Variants in FRMD4A observed in about 807,000 individuals in gnomAD.
FRMD4A encodes the protein FERM domain-containing protein 4A.
In FRMD4A, 29 loss-of-function variants were observed where a neutral mutation model predicts 129.1. That is an observed-to-expected ratio of 0.22 (90% CI 0.17 to 0.31). FRMD4A has a LOEUF of 0.31. Ranked by LOEUF, FRMD4A falls within the 10% of genes least tolerant of loss-of-function variation. FRMD4A has a pLI of 1.00. For synonymous variants in FRMD4A, 634 were observed against 571.6 expected (o/e 1.11, Z -1.56); for missense variants, 1,272 against 1,375.8 (o/e 0.92, Z 1.19).
intron 2 of FRMD4A, among the ~76,000 whole-genome samples, chr10:14,265,466 C>T (rs769832635): frequency 3.3e-5 from 5 of 152,138 alleles, no homozygotes; most frequent in Non-Finnish European, 7.4e-5. Flanking sequence ...TAAATATATG[C>T]TATTACTTCT....
chr10:13,683,870 T>C (rs1248855902), intron 15 of FRMD4A, among the ~76,000 whole-genome samples: 1 of 152,000 alleles, frequency 6.6e-6, no homozygotes, highest in Non-Finnish European at 1.5e-5. Flanking sequence ...CCACCATGCC[T>C]GACTAATTTT....
chr10:13,908,850 G>A (rs1240808126), intron 2 of FRMD4A, among the ~76,000 whole-genome samples: 1 of 152,170 alleles, frequency 6.6e-6, no homozygotes, highest in African/African-American at 2.4e-5. Context: ...TGTAGTATAA[G>A]TATACCCCCA....
chr10:13,973,055 TCAGA>T (rs2095526737), intron 2 of FRMD4A, among the ~76,000 whole-genome samples: 1 of 152,244 alleles, frequency 6.6e-6, no homozygotes, highest in Admixed American at 6.5e-5. Flanking sequence ...CTGTGTGGCC[TCAGA>T]CAAATTAATT....
At chr10:14,277,729 C>T (rs1166468273) in intron 2 of FRMD4A, among the ~76,000 whole-genome samples, 1 of 152,234 alleles carries the variant, frequency 6.6e-6, no homozygotes, top group Non-Finnish European at 1.5e-5. Flanking sequence ...CTTACAGCCT[C>T]TCCACTCCTC....
intron 2 of FRMD4A, among the ~76,000 whole-genome samples, chr10:14,273,097 C>A (rs955171541): frequency 6.6e-6 from 1 of 151,694 alleles, no homozygotes; most frequent in Non-Finnish European, 1.5e-5. Flanking sequence ...CACATGCACA[C>A]ACACACACAT....
intron 2 of FRMD4A, among the ~76,000 whole-genome samples, chr10:14,233,561 G>A (rs1002261139): frequency 1.3e-5 from 2 of 152,332 alleles, no homozygotes; most frequent in Admixed American, 1.3e-4. Context: ...GGGACAGAGT[G>A]AGACTCCATC....
intron 19 of FRMD4A, 147 bp downstream of exon 19, chr10:13,663,304 AAT>A (rs894868972): frequency 2.5e-5 from 13 of 515,718 alleles, no homozygotes; most frequent in Middle Eastern, 3.1e-4. Context: ...CAAAGAGGTG[AAT>A]ACTGGGAAAT....
At chr10:14,179,423 C>G (rs1447103813) in intron 2 of FRMD4A, among the ~76,000 whole-genome samples, 1 of 152,136 alleles carries the variant, frequency 6.6e-6, no homozygotes, top group Non-Finnish European at 1.5e-5. Flanking sequence ...TGGATCAGTT[C>G]CAGATATCTT....
intron 2 of FRMD4A, among the ~76,000 whole-genome samples, chr10:14,187,117 TC>T: frequency 8.8e-6 from 1 of 113,292 alleles, no homozygotes; most frequent in African/African-American, 3.5e-5. Flanking sequence ...AGGCTCTGTC[TC>T]AAAGGAAAGA....
chr10:14,166,151 A>G (rs1564356019), intron 2 of FRMD4A, among the ~76,000 whole-genome samples: 1 of 150,732 alleles, frequency 6.6e-6, no homozygotes, highest in Non-Finnish European at 1.5e-5. Flanking sequence ...CTGTATAATC[A>G]ATGCCAATGT....
chr10:13,660,484 G>A lies in FRMD4A; in HGVS notation c.1730C>T (p.Pro577Leu), dbSNP rs772806302. ...GGGAGGAGGAGGCCTGTTGTGCGAC[G>A]GTGGCCGAGGAGGGAGTCCCTTGTG... is the stretch of plus-strand genomic sequence containing the variant. ...SPHKGLPPRP[P>L]SHNRPPPPQS... The change falls in exon 20 of 25, where the codon CCG becomes CTG. Residue 577 changes from proline to leucine, a missense_variant. Physicochemically the swap from Pro to Leu is moderately conservative, Grantham distance 98 (BLOSUM62 -3). This residue lies in a region of FRMD4A where 972 missense variants were observed against 892.3 expected (regional missense o/e 1.09). Transcript: ENST00000357447. The A allele has an allele frequency of 1.5e-5, 25 of 1,613,944 alleles. No homozygotes were observed. The highest frequency in any genetic ancestry group is 2.2e-5 in the East Asian group (1 of 44,888).
chr10:14,006,273 C>G (rs1388798830), intron 2 of FRMD4A, among the ~76,000 whole-genome samples: 7 of 152,116 alleles, frequency 4.6e-5, no homozygotes, highest in Admixed American at 4.6e-4. Context: ...CGGGAGGGCC[C>G]CAAACCATTC....
chr10:14,110,125 T>TTAAAAAAAAAAA (rs372420987), intron 2 of FRMD4A, among the ~76,000 whole-genome samples: 2,559 of 89,346 alleles, frequency 0.029, 637 homozygotes, highest in African/African-American at 0.046. Context: ...CGAGATGCTG[T>TTAAAAAAAAAAA]AAAAAAAAAA....
intron 5 of FRMD4A, among the ~76,000 whole-genome samples, chr10:13,790,282 G>A (rs181193989): frequency 6.6e-6 from 1 of 152,280 alleles, no homozygotes; most frequent in East Asian, 1.9e-4. Flanking sequence ...GCAGAAAGAC[G>A]ACGACATCAT....
chr10:14,174,629 T>C (rs895627807), intron 2 of FRMD4A, among the ~76,000 whole-genome samples: 1 of 152,176 alleles, frequency 6.6e-6, no homozygotes, highest in Non-Finnish European at 1.5e-5. Context: ...GTTGACACCA[T>C]TACTGAGCTG....
intron 5 of FRMD4A, among the ~76,000 whole-genome samples, chr10:13,786,496 C>T (rs2092867582): frequency 6.6e-6 from 1 of 152,110 alleles, no homozygotes; most frequent in African/African-American, 2.4e-5. Context: ...ATCCCAGCTA[C>T]TTGGGAGGCT....
chr10:14,132,492 G>T (rs1003039657), intron 2 of FRMD4A, among the ~76,000 whole-genome samples: 5 of 152,132 alleles, frequency 3.3e-5, no homozygotes, highest in Non-Finnish European at 4.4e-5. Context: ...TAATGTCCAC[G>T]ACTGAAGAGG....
At chr10:13,937,097 A>T (rs185286096) in intron 2 of FRMD4A, among the ~76,000 whole-genome samples, 1 of 152,328 alleles carries the variant, frequency 6.6e-6, no homozygotes, top group East Asian at 1.9e-4. Context: ...AGGGTTGCAA[A>T]TGTTCTCTGG....
chr10:14,247,950 A>G (rs368939789), intron 2 of FRMD4A, among the ~76,000 whole-genome samples: 176 of 152,358 alleles, frequency 1.2e-3, no homozygotes, highest in Middle Eastern at 3.4e-3. Context: ...ACGACTCTAC[A>G]TGGCCAAACC....
Sources: allele counts gnomAD v4.1 joint callset (sites outside exome capture counted in the v4.1 genomes callset), GRCh38; gene constraint gnomAD v4.1.1; regional missense constraint gnomAD v4.1.1; transcripts MANE v1.5; gene names NCBI Gene and HGNC (gene_info 2026-07-23, HGNC 2026-07-21).